The following PDE1C variants were observed in gnomAD, a reference collection of about 807,000 sequenced individuals.
PDE1C encodes phosphodiesterase 1C.
Under a neutral mutation model 93.1 loss-of-function variants are expected in PDE1C, and 62 were observed. The ratio of observed to expected loss-of-function variants is 0.67; its 90% CI spans 0.54 to 0.82. The LOEUF (loss-of-function observed/expected upper bound fraction) is 0.82. Among genes scored for constraint, PDE1C ranks in the 40% least tolerant of loss-of-function variants. The pLI, the probability that PDE1C is intolerant of heterozygous loss-of-function variation, is 0.00. For missense variants in PDE1C, 742 were observed against 884.6 expected (o/e 0.84, Z 2.04); for synonymous variants, 325 against 310.1 (o/e 1.05, Z -0.50).
chr7:31,862,335 T>C (rs1174284319), intron 7 of PDE1C, among the ~76,000 whole-genome samples: 3 of 151,348 alleles, frequency 2.0e-5, no homozygotes, highest in African/African-American at 7.3e-5. Flanking sequence ...AACTTGTCCA[T>C]TATCTTAGTC....
At chr7:32,427,378 T>C (rs1391404183) in intron 1 of PDE1C, among the ~76,000 whole-genome samples, 2 of 152,150 alleles carry the variant, frequency 1.3e-5, no homozygotes, top group Middle Eastern at 3.2e-3. Context: ...ACTTATCCTA[T>C]GTTATCTACC....
At chr7:31,869,866 C>A (rs1352397515) in intron 6 of PDE1C, among the ~76,000 whole-genome samples, 1 of 151,956 alleles carries the variant, frequency 6.6e-6, no homozygotes, top group East Asian at 1.9e-4. Context: ...TATGTTAGGA[C>A]ACAAAATAAG....
At chr7:31,996,087 A>C (rs1784693042) in intron 2 of PDE1C, among the ~76,000 whole-genome samples, 1 of 151,582 alleles carries the variant, frequency 6.6e-6, no homozygotes, top group African/African-American at 2.4e-5. Flanking sequence ...ACACACACAC[A>C]CACACACACA....
intron 15 of PDE1C, among the ~76,000 whole-genome samples, chr7:31,814,928 A>C (rs1788041167): frequency 6.6e-6 from 1 of 151,838 alleles, no homozygotes; most frequent in Admixed American, 6.6e-5. Flanking sequence ...CTTGCTATTC[A>C]GCCACAACCT....
At chr7:32,175,618 G>C (rs1802935172) in intron 2 of PDE1C, among the ~76,000 whole-genome samples, 1 of 152,096 alleles carries the variant, frequency 6.6e-6, no homozygotes, top group African/African-American at 2.4e-5. Context: ...AAAAACACAA[G>C]GCAGCTGCTA....
the PDE1C span, among the ~76,000 whole-genome samples, chr7:31,711,763 C>A: frequency 6.6e-6 from 1 of 152,188 alleles, no homozygotes; most frequent in African/African-American, 2.4e-5. Context: ...TATCCATTCT[C>A]TACATTGAAA....
intron 8 of PDE1C, among the ~76,000 whole-genome samples, chr7:31,850,194 A>T (rs1311624485): frequency 6.6e-6 from 1 of 152,058 alleles, no homozygotes; most frequent in East Asian, 1.9e-4. Context: ...ATCAGAGAGG[A>T]TGAGAAGAGA....
chr7:31,993,203 T>G (rs988184639), intron 2 of PDE1C, among the ~76,000 whole-genome samples: 2 of 152,226 alleles, frequency 1.3e-5, no homozygotes, highest in Non-Finnish European at 2.9e-5. Flanking sequence ...AGAATAGCTG[T>G]GACTTTCCTC....
the PDE1C span, among the ~76,000 whole-genome samples, chr7:31,682,995 A>G: frequency 6.6e-6 from 1 of 152,290 alleles, no homozygotes; most frequent in Non-Finnish European, 1.5e-5. Flanking sequence ...GGGAGGGTAA[A>G]GGGAAGGGGC....
At chr7:32,264,628 G>C (rs1810441326) in intron 1 of PDE1C, among the ~76,000 whole-genome samples, 1 of 152,184 alleles carries the variant, frequency 6.6e-6, no homozygotes, top group Non-Finnish European at 1.5e-5. Context: ...CAGAACTTCG[G>C]TTGAATGCAG....
the PDE1C span, among the ~76,000 whole-genome samples, chr7:31,645,038 G>C: frequency 6.6e-6 from 1 of 152,038 alleles, no homozygotes; most frequent in African/African-American, 2.4e-5. Context: ...TATATGCCAG[G>C]TCCTTCCTCC....
intron 2 of PDE1C, among the ~76,000 whole-genome samples, chr7:31,939,179 T>C (rs1169854741): frequency 2.0e-5 from 3 of 152,088 alleles, no homozygotes; most frequent in African/African-American, 4.8e-5. Context: ...TAAAAATTCA[T>C]GTAGAAGAAT....
In PDE1C at chr7:31,879,010, C is replaced by T; in HGVS notation, c.411G>A (p.Gly137=). The stretch of plus-strand genomic sequence containing the variant: ...GACATCTTTACCTCTCCACAAATAT[C>T]CCAGCCTGCACTGCGTGAACGATGC... The part of the protein sequence containing the change: ...FKSIVHAVQA[G]IFVERMYRRT... Residue 137 remains glycine (G), a synonymous_variant, in exon 4 of 18, where the codon GGG becomes GGA. Coordinates refer to ENST00000396191, the MANE Select transcript of PDE1C (RefSeq NM_001191057.4). 6.2e-7 allele frequency: 1 copy of T among 1,613,922 alleles called. No homozygotes were observed. Among genetic ancestry groups the T allele is most frequent in the Non-Finnish European group, 8.5e-7 (1 of 1,179,810 alleles).
At chr7:32,147,273 A>AGAAAG (rs1563352487) in intron 3 of PDE1C, among the ~76,000 whole-genome samples, 1 of 17,862 alleles carries the variant, frequency 5.6e-5, no homozygotes, top group African/African-American at 2.3e-4. Context: ...AGAAAGAAAA[A>AGAAAG]AAGAAAGAAA....
At chr7:31,896,629 A>G (rs891891250) in intron 2 of PDE1C, among the ~76,000 whole-genome samples, 6 of 152,216 alleles carry the variant, frequency 3.9e-5, no homozygotes, top group African/African-American at 1.2e-4. Flanking sequence ...TGGTGATACT[A>G]TTGGCATTGT....
At chr7:32,205,143 T>A (rs1306424469) in intron 2 of PDE1C, among the ~76,000 whole-genome samples, 1 of 152,224 alleles carries the variant, frequency 6.6e-6, no homozygotes, top group Non-Finnish European at 1.5e-5. Flanking sequence ...CCACCTCTGC[T>A]GCCCCAGCTT....
intron 3 of PDE1C, among the ~76,000 whole-genome samples, chr7:32,101,845 A>C (rs1411776130): frequency 6.6e-6 from 1 of 152,234 alleles, no homozygotes; most frequent in Non-Finnish European, 1.5e-5. Context: ...GCATAGTGCC[A>C]GTATTTGCTT....
intron 1 of PDE1C, among the ~76,000 whole-genome samples, chr7:32,334,463 G>T (rs1046540616): frequency 1.3e-5 from 2 of 151,926 alleles, no homozygotes; most frequent in Admixed American, 1.3e-4. Flanking sequence ...AGGTTATTGG[G>T]GTACAGGTGG....
chr7:32,243,311 T>C (rs1808679449), intron 1 of PDE1C, among the ~76,000 whole-genome samples: 1 of 152,142 alleles, frequency 6.6e-6, no homozygotes, highest in South Asian at 2.1e-4. Flanking sequence ...CTCATACTGT[T>C]TACAAGGCAG....
Sources: allele counts gnomAD v4.1 joint callset (sites outside exome capture counted in the v4.1 genomes callset), GRCh38; gene constraint gnomAD v4.1.1; transcripts MANE v1.5; gene names NCBI Gene and HGNC (gene_info 2026-07-23, HGNC 2026-07-21).